Variants in LRRC59 observed in about 807,000 individuals in gnomAD.
LRRC59 encodes the protein leucine rich repeat containing 59, also known as leucine-rich repeat-containing protein 59.
A neutral mutation model predicts 33.5 loss-of-function variants in LRRC59; 18 were observed. The observed-to-expected ratio is 0.54, with a 90% CI of 0.37 to 0.80. The LOEUF is 0.80. Ranked by LOEUF, LRRC59 falls within the 30% of genes least tolerant of loss-of-function variation. LRRC59 has a pLI of 0.00. For synonymous variants in LRRC59, 138 were observed against 160.0 expected, an observed-to-expected ratio of 0.86 and a Z score of 1.04; for missense variants, 330 against 391.9, an observed-to-expected ratio of 0.84 and a Z score of 1.33.
In LRRC59 at chr17:50,382,656, T is replaced by C. The variant is rs1022917925; in HGVS notation, c.*332A>G. ...GTATAAATGTAGTGACAGCTGACCA[T>C]TTAGTAGAAACGAGCCTTGCCTTTA... On this transcript the variant is annotated 3_prime_UTR_variant, in exon 7 of 7. Coordinates refer to ENST00000225972, the MANE Select transcript of LRRC59 (RefSeq NM_018509.4). 1 of 312,284 alleles carries C rather than the reference T, an allele frequency of 3.2e-6. No homozygotes were observed. The highest frequency in any genetic ancestry group is 4.1e-5 in the South Asian group (1 of 24,600). The allele number at this position is 312,284 out of a possible 1,614,324, so 19.3% of individuals were successfully genotyped here.
At chr17:50,388,673 G>A (rs1914070549) in intron 4 of LRRC59, among the ~76,000 whole-genome samples, 1 of 152,176 alleles carries the variant, frequency 6.6e-6, no homozygotes, top group Admixed American at 6.5e-5. Flanking sequence ...TCAGAAAAAA[G>A]TGAAACACAA....
intron 6 of LRRC59, among the ~76,000 whole-genome samples, chr17:50,383,490 T>C (rs1026543546): frequency 3.3e-5 from 5 of 152,186 alleles, no homozygotes; most frequent in Non-Finnish European, 7.3e-5. Context: ...GGGTCCTAAG[T>C]TCTCCTTGGT....
intron 4 of LRRC59, among the ~76,000 whole-genome samples, chr17:50,389,900 A>T (rs1480301544): frequency 6.6e-6 from 1 of 152,130 alleles, no homozygotes; most frequent in Non-Finnish European, 1.5e-5. Flanking sequence ...GTTCAAGACC[A>T]GCCTGACCGA....
Position 50,387,974 on chromosome 17 carries a change from C to A in LRRC59, c.502+86G>T. The A allele has an allele frequency of 2.2e-6, 3 of 1,348,002 alleles. No individual in the cohort carries two copies. In the Admixed American group the frequency reaches 5.0e-5, roughly 23 times the overall value. 83.5% of individuals were successfully genotyped at this position (1,348,002 alleles called of 1,614,324 possible). On this transcript the variant is annotated intron_variant, in intron 5 of 6. Transcript: ENST00000225972. ...CCACTAACTGTTCTTCATGACTACT[C>A]TACTGGATCCCAGCTCCTGAAGCAT... is the stretch of plus-strand genomic sequence containing the variant.
At chr17:50,390,772 T>C (rs1281232172) in intron 4 of LRRC59, among the ~76,000 whole-genome samples, 1 of 152,238 alleles carries the variant, frequency 6.6e-6, no homozygotes, top group Admixed American at 6.5e-5. Flanking sequence ...ACAGACGACC[T>C]GATTCTGACT....
chr17:50,387,702 C>T (rs961138805), intron 5 of LRRC59, among the ~76,000 whole-genome samples: 1 of 152,170 alleles, frequency 6.6e-6, no homozygotes, highest in Non-Finnish European at 1.5e-5. Flanking sequence ...TCATTAACAT[C>T]TTTCCTATTT....
At chr17:50,384,583 T>C (rs1057192897) in intron 6 of LRRC59, among the ~76,000 whole-genome samples, 26 of 152,216 alleles carry the variant, frequency 1.7e-4, no homozygotes, top group African/African-American at 5.8e-4. Context: ...CCGACCAACA[T>C]GCAGAAACCA....
At chr17:50,383,605 ATCATTATTG>A (rs149268581) in intron 6 of LRRC59, among the ~76,000 whole-genome samples, 3,123 of 152,198 alleles carry the variant, frequency 0.021, 50 homozygotes, top group Middle Eastern at 0.051. Flanking sequence ...GTCAGGATTT[ATCATTATTG>A]TCATTATTAT....
In LRRC59 at chr17:50,382,747, T is replaced by G; in HGVS notation, c.*241A>C. On this transcript the variant is annotated 3_prime_UTR_variant, in exon 7 of 7. Coordinates refer to ENST00000225972, the MANE Select transcript of LRRC59 (RefSeq NM_018509.4). ...TCTCCCCACCCCCAAGCCTACTCCT[T>G]TAGGCATGCAGGTAACTGCCCCCCA... is the stretch of plus-strand genomic sequence containing the variant. The G allele has an allele frequency of 1.8e-6, 1 of 550,562 alleles. No individual in the cohort carries two copies. Among genetic ancestry groups the G allele is most frequent in the Non-Finnish European group, 3.2e-6 (1 of 310,318 alleles). The allele number at this position is 550,562 out of a possible 1,614,324, so 34.1% of individuals were successfully genotyped here. A position where few individuals can be genotyped will look rare whatever the true frequency, so the allele number is the denominator to read the frequency against.
rs1298011377 is a variant in LRRC59, at chr17:50,394,999, G to C, written c.106-11C>G. 3.1e-6 allele frequency: 5 copies of C among 1,603,812 alleles called. No individual in the cohort carries two copies. The highest frequency in any genetic ancestry group is 1.7e-5 in the Admixed American group (1 of 59,852). ...CTTTGGAAGGGCAGCCTAGGTAAAA[G>C]AGGATGAGAAAAACATGTCAGACCA... On this transcript the variant is annotated splice_polypyrimidine_tract_variant and intron_variant, in intron 1 of 6. Transcript: ENST00000225972.
At chr17:50,396,042 G>A (rs73346060) in intron 1 of LRRC59, 6,189 of 152,296 alleles carry the variant, frequency 0.041, 432 homozygotes, top group African/African-American at 0.14. Context: ...GCAGTCCTAG[G>A]GCAGGGTGAA....
rs201398791 is a variant in LRRC59, at chr17:50,392,356, G to A, written c.429+42C>T. 5.6e-4 allele frequency: 844 copies of A among 1,514,880 alleles called. 6 individuals are homozygous for A. The African/African-American group carries it at 0.01, about 19-fold the overall frequency. The allele number at this position is 1,514,880 out of a possible 1,614,324, so 93.8% of individuals were successfully genotyped here. On this transcript the variant is annotated intron_variant, in intron 4 of 6. Transcript: ENST00000225972. The stretch of plus-strand genomic sequence containing the variant: ...AAAAACAGGAGGAGGAGAAATCCCA[G>A]GGAGTGTATAAGGAGCCACTGGGAG...
At chr17:50,397,053 T>C (rs371413778) in intron 1 of LRRC59, 160 bp downstream of exon 1, 8 of 489,844 alleles carry the variant, frequency 1.6e-5, no homozygotes, top group Non-Finnish European at 1.8e-5. Context: ...GGGAAGAACC[T>C]TGGGCTGGAC....
intron 4 of LRRC59, among the ~76,000 whole-genome samples, chr17:50,390,085 G>C (rs1298087455): frequency 7.5e-6 from 1 of 134,164 alleles, no homozygotes; most frequent in Admixed American, 7.5e-5. Context: ...ACGATAGAGC[G>C]TGACTCTGTC....
At chr17:50,387,631 G>T (rs1248520124) in intron 5 of LRRC59, among the ~76,000 whole-genome samples, 1 of 152,144 alleles carries the variant, frequency 6.6e-6, no homozygotes, top group South Asian at 2.1e-4. Context: ...CGGAGCTGGA[G>T]AAACAGTCCC....
At position 50,397,226 on chromosome 17, in the gene LRRC59, G is replaced by C; in HGVS notation, c.92C>G (p.Pro31Arg). The change falls in exon 1 of 7, where the codon CCG becomes CGG. Residue 31 changes from proline to arginine, a missense_variant. Pro to Arg is a moderately radical substitution (Grantham distance 103). Coordinates refer to ENST00000225972, the MANE Select transcript of LRRC59 (RefSeq NM_018509.4). ...GACGATACTGACCAGCTCCTTCACC[G>C]GGACCTCATTCAGGTCGCTGAGGCT... ...DLSLSDLNEVPVKELAALPKA... is the reference protein window; with the variant it reads ...DLSLSDLNEVRVKELAALPKA... The C allele has an allele frequency of 6.2e-7, 1 of 1,601,160 alleles. No homozygotes were observed. The highest frequency in any genetic ancestry group is 8.5e-7 in the Non-Finnish European group (1 of 1,174,590).
In LRRC59 at chr17:50,391,705, C is replaced by T. The variant is rs139096839; in HGVS notation, c.429+693G>A. Among the ~76,000 whole-genome samples the T allele has an allele frequency of 6.6e-5, 10 of 152,326 alleles. 1 individual carries two copies. The highest frequency in any genetic ancestry group is 2.2e-4 in the African/African-American group (9 of 41,570). ...AAATACCAGGTCTGCCCAGGACGTG[C>T]CTGCTTACAGCTGTAACACCTTTAT... On this transcript the variant is annotated intron_variant, in intron 4 of 6. Coordinates refer to ENST00000225972, the MANE Select transcript of LRRC59 (RefSeq NM_018509.4).
chr17:50,388,277 G>T, intron 4 of LRRC59, 145 bp from the exon 5 acceptor site: 3 of 710,896 alleles, frequency 4.2e-6, no homozygotes, highest in Admixed American at 4.6e-5. Flanking sequence ...GGTGGCTCAC[G>T]CCTGTAACCC....
intron 3 of LRRC59, 93 bp downstream of exon 3, chr17:50,392,646 G>A: frequency 6.5e-7 from 1 of 1,541,584 alleles, no homozygotes; most frequent in Non-Finnish European, 8.9e-7. Context: ...ACCAACAAGG[G>A]GGTATTTCTG....
Sources: allele counts gnomAD v4.1 joint callset (sites outside exome capture counted in the v4.1 genomes callset), GRCh38; gene constraint gnomAD v4.1.1; transcripts MANE v1.5; gene names NCBI Gene and HGNC (gene_info 2026-07-23, HGNC 2026-07-21).